PUM2: variants seen among roughly 807,000 people sequenced by gnomAD.
PUM2 encodes the protein pumilio RNA binding family member 2, also known as pumilio homolog 2.
PUM2 carries 57 observed loss-of-function variants against 124.5 expected under a neutral mutation model. The ratio of observed to expected loss-of-function variants is 0.46; its 90% confidence interval spans 0.37 to 0.57. PUM2 has a LOEUF of 0.57. PUM2 is among the 20% of genes least tolerant of loss of function. The probability of loss-of-function intolerance (pLI) is 0.00; values close to 1 mark genes in which losing one functional copy is unlikely to be tolerated. For synonymous variants in PUM2, 460 were observed against 446.1 expected (o/e 1.03, Z -0.39); for missense variants, 1,065 against 1,290.6 (o/e 0.83, Z 2.68).
intron 2 of PUM2, among the ~76,000 whole-genome samples, chr2:20,320,632 G>C (rs912388079): frequency 2.6e-5 from 4 of 151,678 alleles, no homozygotes; most frequent in Non-Finnish European, 5.9e-5. Context: ...GGATGGCCCT[G>C]GGCTGTAAAT....
At chr2:20,298,657 T>G (rs1558584186) in intron 7 of PUM2, among the ~76,000 whole-genome samples, 1 of 151,930 alleles carries the variant, frequency 6.6e-6, no homozygotes, top group Non-Finnish European at 1.5e-5. Flanking sequence ...ATACCTGAGG[T>G]CAGGAGTTCA....
chr2:20,322,239 A>G (rs1312035511), intron 2 of PUM2, among the ~76,000 whole-genome samples: 4 of 152,256 alleles, frequency 2.6e-5, no homozygotes, highest in Middle Eastern at 3.4e-3. Context: ...GCAAATCAGA[A>G]TGTAAAGTCA....
At chr2:20,308,688 T>C (rs542810294) in intron 5 of PUM2, 104 bp from the exon 6 acceptor site, 5 of 1,147,780 alleles carry the variant, frequency 4.4e-6, no homozygotes, top group African/African-American at 3.1e-5. Context: ...TAAAACACAA[T>C]GAATAAGGCA....
chr2:20,319,145 A>G (rs907437136), intron 2 of PUM2, among the ~76,000 whole-genome samples: 1 of 152,368 alleles, frequency 6.6e-6, no homozygotes, highest in Non-Finnish European at 1.5e-5. Context: ...CATAACAAAA[A>G]GCTATGGATG....
intron 1 of PUM2, among the ~76,000 whole-genome samples, chr2:20,341,587 T>C (rs1249110222): frequency 1.3e-5 from 2 of 152,352 alleles, no homozygotes; most frequent in East Asian, 3.9e-4. Flanking sequence ...TTGTATTTCT[T>C]CATATTGTAA....
In PUM2 at chr2:20,308,493, G is replaced by C. The variant is rs1678869677; in HGVS notation, c.610C>G (p.Pro204Ala). ...TNPSEGLGPL[P>A]NPTANKPLVE... is the part of the protein sequence containing the mutation. ...AGTGGTTTATTAGCTGTAGGATTAGGAAGAGGCCCCAGTCCTTCTGAGGGA... is the reference window on the plus strand; with the variant it reads ...AGTGGTTTATTAGCTGTAGGATTAGCAAGAGGCCCCAGTCCTTCTGAGGGA... The change falls in exon 6 of 21, where the codon CCT (proline) becomes GCT (alanine). Residue 204 changes from proline (P) to alanine (A), a missense_variant. Pro to Ala is a conservative substitution (Grantham distance 27). This residue lies in a region of PUM2 where 968 missense variants were observed against 1,159.8 expected (regional missense o/e 0.83). Coordinates refer to ENST00000361078, the MANE Select transcript of PUM2 (RefSeq NM_015317.5). 1 of 1,614,152 alleles carries C rather than the reference G, an allele frequency of 6.2e-7. No individual in the cohort carries two copies. Among genetic ancestry groups the C allele is most frequent in the Non-Finnish European group, 8.5e-7 (1 of 1,180,000 alleles).
At chr2:20,275,869 G>A (rs1670113122) in intron 13 of PUM2, among the ~76,000 whole-genome samples, 6 of 151,998 alleles carry the variant, frequency 3.9e-5, no homozygotes, top group Admixed American at 3.9e-4. Context: ...TACACATTAA[G>A]ACATATCAAA....
intron 14 of PUM2, among the ~76,000 whole-genome samples, chr2:20,262,080 G>A (rs1666434509): frequency 6.6e-6 from 1 of 152,176 alleles, no homozygotes; most frequent in African/African-American, 2.4e-5. Flanking sequence ...GGATAACAGA[G>A]TAAGACCCTG....
intron 7 of PUM2, among the ~76,000 whole-genome samples, chr2:20,306,097 C>A (rs1290752840): frequency 6.6e-6 from 1 of 151,928 alleles, no homozygotes; most frequent in African/African-American, 2.4e-5. Context: ...CCCAGCTACT[C>A]GGGAGGCTGC....
In PUM2 at chr2:20,260,759, A is replaced by G. The variant is rs557135255; in HGVS notation, c.2226-293T>C. On this transcript the variant is annotated intron_variant, in intron 14 of 20. Transcript: ENST00000361078. ...CGTAAATTTTGCTGCTTATTCATTT[A>G]TTTTTCATAATATACAATGTATTAC... Among the ~76,000 whole-genome samples, 3 of 152,242 alleles carry G rather than the reference A, an allele frequency of 2.0e-5. No individual in the cohort carries two copies. The South Asian group carries it at 6.2e-4, about 31-fold the overall frequency.
At chr2:20,298,840 G>A (rs62123454) in intron 7 of PUM2, among the ~76,000 whole-genome samples, 5,306 of 152,188 alleles carry the variant, frequency 0.035, 91 homozygotes, top group Middle Eastern at 0.068. Context: ...CTCCGTCTCA[G>A]AATAATAACA....
At chr2:20,291,760 A>G (rs1674154522) in intron 9 of PUM2, among the ~76,000 whole-genome samples, 1 of 152,020 alleles carries the variant, frequency 6.6e-6, no homozygotes. Flanking sequence ...ATGCTGCCAT[A>G]TATGGGATCT....
intron 9 of PUM2, among the ~76,000 whole-genome samples, chr2:20,291,107 A>C (rs1282445502): frequency 1.3e-5 from 2 of 152,202 alleles, no homozygotes; most frequent in African/African-American, 4.8e-5. Context: ...AGCTTTTATT[A>C]TTCTCAACAA....
intron 13 of PUM2, among the ~76,000 whole-genome samples, chr2:20,268,448 C>T (rs1033313526): frequency 6.6e-6 from 1 of 152,032 alleles, no homozygotes; most frequent in Non-Finnish European, 1.5e-5. Flanking sequence ...CCCATCTCCA[C>T]TATATGTATG....
In PUM2 at chr2:20,251,503, G is replaced by A; in HGVS notation, c.*82C>T. ...TTTAAAAAAAAATTGAAGATTCATA[G>A]TTGAGTTGTGTTTTGATAATTCACA... On this transcript the variant is annotated 3_prime_UTR_variant, in exon 21 of 21. Coordinates refer to ENST00000361078, the MANE Select transcript of PUM2 (RefSeq NM_015317.5). 1 of 1,433,234 alleles carries A rather than the reference G, an allele frequency of 7.0e-7. No individual in the cohort carries two copies. Among genetic ancestry groups the A allele is most frequent in the Non-Finnish European group, 9.4e-7 (1 of 1,062,938 alleles). The allele number at this position is 1,433,234 out of a possible 1,614,324, so 88.8% of individuals were successfully genotyped here. A position where few individuals can be genotyped will look rare whatever the true frequency, so the allele number is the denominator to read the frequency against.
chr2:20,275,236 GA>G (rs1480007068), intron 13 of PUM2, among the ~76,000 whole-genome samples: 1 of 151,892 alleles, frequency 6.6e-6, no homozygotes, highest in African/African-American at 2.4e-5. Context: ...ACCAAAAATA[GA>G]TATAAAATTG....
chr2:20,263,258 T>C lies in PUM2; in HGVS notation c.2160A>G (p.Pro720=). 6.2e-7 allele frequency: 1 copy of C among 1,610,168 alleles called. No homozygotes were observed. Among genetic ancestry groups the C allele is most frequent in the Non-Finnish European group, 8.5e-7 (1 of 1,176,346 alleles). The change falls in exon 14 of 21, where the codon CCA becomes CCG. Residue 720 remains proline, a synonymous_variant. Transcript: ENST00000361078. ...CAATCAAGTCTCTAAGCTGAAGGTT[T>C]GGGAAGCGGTTGTTTCTGAAATCTT... ...LLEDFRNNRF[P]NLQLRDLIGH...
rs1012809348 is a variant in PUM2, at chr2:20,258,329, G to A, written c.2398C>T (p.Arg800Cys). The stretch of plus-strand genomic sequence containing the variant: ...AAGGCTAAGGGTAGAACATGACCAC[G>A]AATACGAGTAGCCAGGGCTAATTTT... The part of the protein sequence containing the change: ...DQKLALATRI[R>C]GHVLPLALQM... The change falls in exon 16 of 21, where the codon CGT (arginine) becomes TGT (cysteine). Residue 800 changes from arginine to cysteine, a missense_variant. Physicochemically the swap from Arg to Cys is radical, Grantham distance 180. Transcript: ENST00000361078. 2.5e-6 allele frequency: 4 copies of A among 1,612,174 alleles called. No homozygotes were observed. Among genetic ancestry groups the A allele is most frequent in the South Asian group, 1.1e-5 (1 of 90,906 alleles).
At chr2:20,314,764 T>C (rs567585220) in intron 3 of PUM2, among the ~76,000 whole-genome samples, 1 of 152,318 alleles carries the variant, frequency 6.6e-6, no homozygotes, top group African/African-American at 2.4e-5. Flanking sequence ...ATTACACAGT[T>C]GAAATATTGA....
Sources: gnomAD v4.1 joint callset for allele counts (sites outside exome capture counted in the v4.1 genomes callset) on GRCh38, gnomAD v4.1.1 for gene constraint, gnomAD v4.1.1 regional missense constraint, MANE v1.5 for transcripts, NCBI Gene and HGNC (gene_info 2026-07-23, HGNC 2026-07-21) for gene names.